CEP89: variants seen among roughly 807,000 people sequenced by gnomAD.
CEP89 encodes the protein centrosomal protein 89, also known as centrosomal protein of 89 kDa.
A neutral mutation model predicts 97.6 loss-of-function variants in CEP89; 95 were observed. The ratio of observed to expected loss-of-function variants is 0.97; its 90% CI spans 0.82 to 1.15. The LOEUF (loss-of-function observed/expected upper bound fraction) is 1.15, where lower values mean the gene tolerates loss of function less well. Among genes scored for constraint, CEP89 ranks in the 50% most tolerant of loss-of-function variants. CEP89 has a pLI of 0.00. For missense variants in CEP89, 869 were observed against 947.7 expected (o/e 0.92, Z 1.09); for synonymous variants, 354 against 349.1 (o/e 1.01, Z -0.16).
Position 32,960,041 on chromosome 19 carries a change from G to A in CEP89, c.164C>T (p.Ala55Val), listed in dbSNP as rs1469251902. 1 of 1,614,202 alleles carries A rather than the reference G, an allele frequency of 6.2e-7. No individual in the cohort carries two copies. The highest frequency in any genetic ancestry group is 1.7e-5 in the Admixed American group (1 of 60,020). ...CCCAGTCAATGTTGTCGCCAGAATG[G>A]CTGCTGCCAGAGCAGATCTGCGGAC... ...PERPRSALAA[A>V]ILATTLTGRT... The change falls in exon 3 of 19, where the codon GCC becomes GTC. Residue 55 changes from alanine to valine, a missense_variant. By Grantham distance (64) the Ala-to-Val change is moderately conservative. Transcript: ENST00000305768.
rs554105886 is a variant in CEP89 at position 32,959,964 on chromosome 19, C to T, written c.241G>A (p.Val81Met). Residue 81 changes from valine to methionine, a missense_variant, in exon 3 of 19, where the codon GTG (valine) becomes ATG (methionine). Physicochemically the swap from Val to Met is conservative, Grantham distance 21 (BLOSUM62 1). Transcript: ENST00000305768. ...AAGCTGTCCTGTTCAACACTGCTCA[C>T]ATCACTCTCAGACCGGGACCTCTGG... ...PRQRSRSESD[V>M]SSVEQDSFIE... The T allele has an allele frequency of 9.3e-6, 15 of 1,614,208 alleles. No homozygotes were observed. The South Asian group carries it at 1.6e-4, about 18-fold the overall frequency.
intron 14 of CEP89, among the ~76,000 whole-genome samples, chr19:32,903,419 G>A (rs905988430): frequency 1.3e-5 from 2 of 152,162 alleles, no homozygotes; most frequent in African/African-American, 4.8e-5. Flanking sequence ...AGATTCAGAA[G>A]TGAGAGAGAT....
chr19:32,921,187 A>G (rs536118017), intron 12 of CEP89, among the ~76,000 whole-genome samples: 16 of 151,680 alleles, frequency 1.1e-4, no homozygotes, highest in African/African-American at 3.9e-4. Context: ...GCGCCACTGC[A>G]CTTCAGCCTG....
chr19:32,919,378 G>A (rs907433290), intron 12 of CEP89, among the ~76,000 whole-genome samples: 4 of 152,152 alleles, frequency 2.6e-5, no homozygotes, highest in Non-Finnish European at 5.9e-5. Flanking sequence ...TGGGCGTTAA[G>A]TTTATTTACT....
chr19:32,935,419 A>C (rs537197721), intron 7 of CEP89, among the ~76,000 whole-genome samples: 1 of 152,296 alleles, frequency 6.6e-6, no homozygotes, highest in African/African-American at 2.4e-5. Flanking sequence ...CTGGATGCGC[A>C]TGGTTACAAC....
chr19:32,892,040 T>C (rs1441373492), intron 16 of CEP89, among the ~76,000 whole-genome samples: 1 of 150,180 alleles, frequency 6.7e-6, no homozygotes, highest in Non-Finnish European at 1.5e-5. Context: ...AAAAAGGTCT[T>C]CTCCCGACGA....
chr19:32,955,148 C>A (rs929369196), intron 3 of CEP89, among the ~76,000 whole-genome samples: 2 of 151,760 alleles, frequency 1.3e-5, no homozygotes, highest in African/African-American at 2.4e-5. Context: ...CCATACCCAG[C>A]TAATTTTTTG....
chr19:32,898,337 A>C (rs1397170137), intron 16 of CEP89, among the ~76,000 whole-genome samples: 1 of 151,918 alleles, frequency 6.6e-6, no homozygotes, highest in Non-Finnish European at 1.5e-5. Flanking sequence ...AGTTGACCTC[A>C]TGGAGGTGGA....
chr19:32,933,115 T>C (rs1215140633), intron 8 of CEP89, among the ~76,000 whole-genome samples: 2 of 152,198 alleles, frequency 1.3e-5, no homozygotes, highest in Non-Finnish European at 1.5e-5. Context: ...CATTGGTAAG[T>C]CTACGGTAAA....
chr19:32,938,974 G>A (rs1970632429), intron 6 of CEP89, among the ~76,000 whole-genome samples: 1 of 152,006 alleles, frequency 6.6e-6, no homozygotes, highest in African/African-American at 2.4e-5. Flanking sequence ...GGCTAGGCAC[G>A]TCACATCATG....
intron 5 of CEP89, among the ~76,000 whole-genome samples, chr19:32,946,498 C>G (rs1264309279): frequency 6.6e-6 from 1 of 152,142 alleles, no homozygotes; most frequent in Non-Finnish European, 1.5e-5. Context: ...TATACATATA[C>G]TCTCTAAATT....
chr19:32,917,005 CAA>C (rs1568558885), intron 13 of CEP89, among the ~76,000 whole-genome samples: 1 of 151,410 alleles, frequency 6.6e-6, no homozygotes, highest in African/African-American at 2.4e-5. Context: ...GAGACTGTCT[CAA>C]AAAAAATAAA....
At chr19:32,886,686 C>T (rs563988560) in intron 17 of CEP89, among the ~76,000 whole-genome samples, 1 of 152,060 alleles carries the variant, frequency 6.6e-6, no homozygotes, top group Non-Finnish European at 1.5e-5. Context: ...CCAAGCAAGG[C>T]CAACTACTCC....
rs1970872569 is a variant in CEP89 at position 32,949,761 on chromosome 19, A to T, written c.493-1393T>A. ...CCTTTGGCTCTCCTGATTCTTCAGT[A>T]AAATCTTGCTTTTGTGATCAGTTTG... On this transcript the variant is annotated intron_variant, in intron 4 of 18. Transcript: ENST00000305768. Among the ~76,000 whole-genome samples the T allele has an allele frequency of 4.6e-5, 7 of 152,094 alleles. No homozygotes were observed. In the South Asian group the frequency reaches 1.5e-3, roughly 32 times the overall value.
chr19:32,939,542 G>T (rs866396693), intron 6 of CEP89, among the ~76,000 whole-genome samples: 6 of 151,688 alleles, frequency 4.0e-5, no homozygotes, highest in African/African-American at 1.2e-4. Context: ...GCTGGGTGTG[G>T]TGGCATGCAT....
intron 6 of CEP89, among the ~76,000 whole-genome samples, chr19:32,939,527 A>G (rs1970642906): frequency 6.6e-6 from 1 of 151,566 alleles, no homozygotes; most frequent in South Asian, 2.1e-4. Context: ...AAATACAACA[A>G]ATTAGCTGGG....
Position 32,936,180 on chromosome 19 carries a change from G to A in CEP89, c.667+1451C>T, listed in dbSNP as rs1970576989. ...TGCTCCTGGTGCCTGCTCCAGTCTT[G>A]CAGCAGGGTTGGAGCGGGGTTTAGG... On this transcript the variant is annotated intron_variant, in intron 7 of 18. Coordinates refer to ENST00000305768, the MANE Select transcript of CEP89 (RefSeq NM_032816.5). This position sits in a 1 kb window ranked among gnomAD's most constrained non-coding sequence, Gnocchi z 4.5. Among the ~76,000 whole-genome samples the A allele has an allele frequency of 6.6e-6, 1 of 152,146 alleles. No homozygotes were observed. The highest frequency in any genetic ancestry group is 2.4e-5 in the African/African-American group (1 of 41,440).
chr19:32,948,249 T>TG lies in CEP89; in HGVS notation c.595+16dup. The TG allele has an allele frequency of 7.0e-7, 1 of 1,421,544 alleles. No individual in the cohort carries two copies. The highest frequency in any genetic ancestry group is 9.6e-7 in the Non-Finnish European group (1 of 1,036,756). The allele number at this position is 1,421,544 out of a possible 1,614,324, so 88.1% of individuals were successfully genotyped here. On this transcript the variant is annotated intron_variant, in intron 5 of 18. Transcript: ENST00000305768. ...ATGTTCTTATATTTTATAAAAATTG[T>TG]GGTTTTTTTTTTCTACCTTTTTGTT...
chr19:32,968,999 C>G (rs4805838), intron 1 of CEP89: 78,933 of 152,136 alleles, frequency 0.52, 21,382 homozygotes, highest in African/African-American at 0.66. Flanking sequence ...ATGAGCTCAA[C>G]CATTCAGCTC....
Sources: gnomAD v4.1 joint callset for allele counts (sites outside exome capture counted in the v4.1 genomes callset) on GRCh38, gnomAD v4.1.1 for gene constraint, Gnocchi (gnomAD v3.1) non-coding constraint, MANE v1.5 for transcripts, NCBI Gene and HGNC (gene_info 2026-07-23, HGNC 2026-07-21) for gene names.